The following ABLIM1 variants were observed in gnomAD, a reference collection of about 807,000 sequenced individuals.
ABLIM1 encodes the protein actin binding LIM protein 1.
Under a neutral mutation model 107.0 loss-of-function variants are expected in ABLIM1, and 40 were observed. That is an observed-to-expected ratio of 0.37 (90% CI 0.29 to 0.49). ABLIM1 has a LOEUF of 0.49. Among genes scored for constraint, ABLIM1 ranks in the 20% least tolerant of loss-of-function variants. The pLI is 0.97. For missense variants in ABLIM1, 857 were observed against 1,008.5 expected, an observed-to-expected ratio of 0.85 and a Z score of 2.04; for synonymous variants, 357 against 357.3, an observed-to-expected ratio of 1.00 and a Z score of 0.01.
At chr10:114,599,294 A>T (rs2075757408) in intron 2 of ABLIM1, among the ~76,000 whole-genome samples, 1 of 152,250 alleles carries the variant, frequency 6.6e-6, no homozygotes, top group Non-Finnish European at 1.5e-5. Context: ...AACAAGATAT[A>T]TGATACAACT....
chr10:114,616,669 T>C (rs1467086190), intron 1 of ABLIM1, among the ~76,000 whole-genome samples: 2 of 152,216 alleles, frequency 1.3e-5, no homozygotes, highest in African/African-American at 4.8e-5. Context: ...GACTCAGCTA[T>C]CTCAGCTCTA....
the ABLIM1 span, among the ~76,000 whole-genome samples, chr10:114,784,978 T>A: frequency 6.6e-6 from 1 of 152,252 alleles, no homozygotes; most frequent in Non-Finnish European, 1.5e-5. Flanking sequence ...TACTTTCATA[T>A]TCATAAAATG....
chr10:114,548,169 T>C (rs796426227), intron 4 of ABLIM1, among the ~76,000 whole-genome samples: 5 of 152,338 alleles, frequency 3.3e-5, no homozygotes, highest in African/African-American at 1.2e-4. Context: ...AACTCAGCAC[T>C]TTATGCTGAT....
chr10:114,461,798 G>T (rs2063985582), intron 12 of ABLIM1, among the ~76,000 whole-genome samples: 1 of 151,998 alleles, frequency 6.6e-6, no homozygotes, highest in Non-Finnish European at 1.5e-5. Context: ...CAGCCTGGGT[G>T]ACAGAGTGAG....
chr10:114,635,605 C>G (rs552264895), intron 1 of ABLIM1, among the ~76,000 whole-genome samples: 10 of 152,210 alleles, frequency 6.6e-5, no homozygotes, highest in Admixed American at 1.3e-4. Flanking sequence ...GTCACTGCAA[C>G]CTCCGCCTCC....
At chr10:114,576,773 T>G (rs1273495657) in intron 2 of ABLIM1, among the ~76,000 whole-genome samples, 2 of 152,192 alleles carry the variant, frequency 1.3e-5, no homozygotes, top group East Asian at 3.8e-4. Flanking sequence ...TCATCAGTCT[T>G]TGTTTAGATC....
intron 1 of ABLIM1, among the ~76,000 whole-genome samples, chr10:114,634,149 T>C (rs1225792671): frequency 4.8e-5 from 6 of 125,490 alleles, no homozygotes; most frequent in Non-Finnish European, 8.3e-5. Flanking sequence ...TTTTTTTTTT[T>C]TGAGACGGAG....
chr10:114,739,878 A>G (rs946256773), intron 1 of ABLIM1, among the ~76,000 whole-genome samples: 13 of 152,156 alleles, frequency 8.5e-5, no homozygotes, highest in Admixed American at 2.6e-4. Flanking sequence ...AGGAAGCTCA[A>G]CCAAGCTCTT....
intron 4 of ABLIM1, among the ~76,000 whole-genome samples, chr10:114,563,156 A>C (rs2070030960): frequency 6.6e-6 from 1 of 152,252 alleles, no homozygotes; most frequent in Admixed American, 6.5e-5. Context: ...TAGCACTTAG[A>C]GCGATATTCA....
At chr10:114,767,990 G>GC (rs986632027) in intron 1 of ABLIM1, 28 of 411,012 alleles carry the variant, frequency 6.8e-5, no homozygotes, top group African/African-American at 1.3e-4. Flanking sequence ...GGCTGTCGCA[G>GC]CCCCCCCGCC....
intron 1 of ABLIM1, chr10:114,684,181 T>C: frequency 9.0e-7 from 1 of 1,115,526 alleles, no homozygotes; most frequent in East Asian, 2.4e-5. Flanking sequence ...TTATCATAAG[T>C]GTAAAACAAT....
chr10:114,597,907 G>A (rs374106005), intron 2 of ABLIM1, among the ~76,000 whole-genome samples: 6 of 152,130 alleles, frequency 3.9e-5, no homozygotes, highest in East Asian at 1.9e-4. Flanking sequence ...TGCACACCTC[G>A]AGGAATCTTT....
At chr10:114,468,975 C>T (rs1249417072) in intron 10 of ABLIM1, among the ~76,000 whole-genome samples, 1 of 151,002 alleles carries the variant, frequency 6.6e-6, no homozygotes, top group Non-Finnish European at 1.5e-5. Flanking sequence ...TGGCGTGAAC[C>T]CGGAAGGCGA....
At chr10:114,628,749 A>G (rs2077980228) in intron 1 of ABLIM1, among the ~76,000 whole-genome samples, 1 of 152,218 alleles carries the variant, frequency 6.6e-6, no homozygotes, top group African/African-American at 2.4e-5. Flanking sequence ...ATTACTTAAA[A>G]TGAGTGTTTA....
chr10:114,544,855 T>C (rs1285121988), intron 6 of ABLIM1, 150 bp downstream of exon 6: 20 of 716,294 alleles, frequency 2.8e-5, no homozygotes, highest in Non-Finnish European at 4.5e-5. Context: ...GTGCAGCACC[T>C]TAATTCTTGA....
chr10:114,559,463 G>GAAA (rs1565932452), intron 4 of ABLIM1, among the ~76,000 whole-genome samples: 2 of 38,164 alleles, frequency 5.2e-5, no homozygotes, highest in African/African-American at 2.4e-4. Flanking sequence ...AAAAAAAAAA[G>GAAA]AAAGAAAGAA....
chr10:114,615,065 A>G (rs957310414), intron 1 of ABLIM1, among the ~76,000 whole-genome samples: 1 of 144,258 alleles, frequency 6.9e-6, no homozygotes, highest in East Asian at 2.0e-4. Context: ...AAAAAAAAAG[A>G]AAGAAAGAAA....
chr10:114,651,860 A>G (rs1263995572), intron 1 of ABLIM1, among the ~76,000 whole-genome samples: 1 of 152,170 alleles, frequency 6.6e-6, no homozygotes, highest in Non-Finnish European at 1.5e-5. Flanking sequence ...TATCCCATCA[A>G]CAAACCGGAT....
At chr10:114,800,305 G>C in the ABLIM1 span, among the ~76,000 whole-genome samples, 5 of 152,070 alleles carry the variant, frequency 3.3e-5, no homozygotes, top group African/African-American at 9.7e-5. Flanking sequence ...TAATATACAG[G>C]AAAGTCCTAT....
Sources: gnomAD v4.1 joint callset for allele counts (sites outside exome capture counted in the v4.1 genomes callset) on GRCh38, gnomAD v4.1.1 for gene constraint, MANE v1.5 for transcripts, NCBI Gene and HGNC (gene_info 2026-07-23, HGNC 2026-07-21) for gene names.